Variants in SESN3 observed in about 807,000 individuals in gnomAD.
SESN3 encodes sestrin-3.
In SESN3, 21 loss-of-function variants were observed where a neutral mutation model predicts 55.3. The observed-to-expected ratio is 0.38, with a 90% CI of 0.27 to 0.55. SESN3 has a LOEUF of 0.55. Ranked by LOEUF, SESN3 falls within the 20% of genes least tolerant of loss-of-function variation. SESN3 has a pLI of 0.76. For missense variants in SESN3, 408 were observed against 604.3 expected (o/e 0.68, Z 3.41); for synonymous variants, 181 against 203.1 (o/e 0.89, Z 0.93).
intron 1 of SESN3, among the ~76,000 whole-genome samples, chr11:95,228,361 C>T (rs1174583066): frequency 3.3e-5 from 5 of 152,158 alleles, no homozygotes; most frequent in Non-Finnish European, 7.4e-5. Flanking sequence ...GTAATTCACA[C>T]TGGATGAGCA....
At chr11:95,220,849 G>A (rs1860844873) in intron 1 of SESN3, among the ~76,000 whole-genome samples, 1 of 152,164 alleles carries the variant, frequency 6.6e-6, no homozygotes, top group South Asian at 2.1e-4. Flanking sequence ...AATGCCCTGT[G>A]AGCCCTAGTT....
intron 1 of SESN3, among the ~76,000 whole-genome samples, chr11:95,207,785 A>G (rs1355568419): frequency 6.6e-6 from 1 of 151,396 alleles, no homozygotes; most frequent in African/African-American, 2.4e-5. Context: ...GTAATTTTAA[A>G]TATGTCTAAA....
intron 1 of SESN3, among the ~76,000 whole-genome samples, chr11:95,198,371 C>T (rs151055594): frequency 3.4e-5 from 5 of 147,320 alleles, no homozygotes; most frequent in Non-Finnish European, 6.0e-5. Context: ...GAACCCAAAA[C>T]GAAAACAGCT....
In SESN3 at chr11:95,216,527, C is replaced by T. The variant is rs529492757; in HGVS notation, c.78+14256G>A. Among the ~76,000 whole-genome samples the T allele has an allele frequency of 2.2e-4, 33 of 152,266 alleles. 1 individual carries two copies. The highest frequency in any genetic ancestry group is 1.4e-3 in the South Asian group (7 of 4,828). Reference sequence around the variant, plus strand: ...AAATGCTTCAGCACATTGATGGCAACATTCTAGGTAATTTCTTATTCAGTG... The same window carrying T: ...AAATGCTTCAGCACATTGATGGCAATATTCTAGGTAATTTCTTATTCAGTG... On this transcript the variant is annotated intron_variant, in intron 1 of 9. Coordinates refer to ENST00000536441, the MANE Select transcript of SESN3 (RefSeq NM_144665.4).
At chr11:95,226,480 T>A (rs186851259) in intron 1 of SESN3, among the ~76,000 whole-genome samples, 1 of 152,280 alleles carries the variant, frequency 6.6e-6, no homozygotes, top group East Asian at 1.9e-4. Context: ...AATCTTCTAT[T>A]GAACCTGAAC....
At position 95,213,443 on chromosome 11, in the gene SESN3, C is replaced by G. The variant is rs117255482; in HGVS notation, c.78+17340G>C. ...ACCGATGACAATGTGGTCTTATTCT[C>G]TAGCTTCTAATATACAGCACTGTCA... On this transcript the variant is annotated intron_variant, in intron 1 of 9. Coordinates refer to ENST00000536441, the MANE Select transcript of SESN3 (RefSeq NM_144665.4). 6.2e-3 allele frequency among the ~76,000 whole-genome samples: 939 copies of G among 152,318 alleles called. 3 individuals are homozygous for G. The highest frequency in any genetic ancestry group is 0.013 in the Admixed American group (193 of 15,296).
At chr11:95,185,627 CAT>C (rs1860148773) in intron 4 of SESN3, 135 bp from the exon 5 acceptor site, 5 of 638,184 alleles carry the variant, frequency 7.8e-6, no homozygotes, top group Admixed American at 2.8e-5. Flanking sequence ...AAATGTTTCA[CAT>C]GTTAAAGATA....
At position 95,191,556 on chromosome 11, in the gene SESN3, C is replaced by T; in HGVS notation, c.190G>A (p.Glu64Lys). Residue 64 changes from glutamate (E) to lysine (K), a missense_variant, in exon 3 of 10, where the codon GAA (glutamate) becomes AAA (lysine). By Grantham distance (56) the Glu-to-Lys change is moderately conservative. Transcript: ENST00000536441. The part of the protein sequence containing the change: ...TVDERTNFLV[E>K]EYSTSGRLDN... ...AGACGACCGGATGTAGAGTATTCTTCCACAAGAAAGTTAGTACGTTCATCC... is the reference window on the plus strand; with the variant it reads ...AGACGACCGGATGTAGAGTATTCTTTCACAAGAAAGTTAGTACGTTCATCC... The T allele has an allele frequency of 6.2e-7, 1 of 1,612,824 alleles. No homozygotes were observed. Among genetic ancestry groups the T allele is most frequent in the South Asian group, 1.1e-5 (1 of 91,058 alleles).
rs566265818 is a variant in SESN3 at position 95,200,070 on chromosome 11, G to A, written c.79-6548C>T. On this transcript the variant is annotated intron_variant, in intron 1 of 9. Transcript: ENST00000536441. ...AGGTACGAATGTAAGAAAGCCAATT[G>A]AAATGGTCTATACAAATAGTAAATT... Among the ~76,000 whole-genome samples the A allele has an allele frequency of 3.3e-5, 5 of 152,116 alleles. No individual in the cohort carries two copies. In the East Asian group the frequency reaches 9.6e-4, roughly 29 times the overall value.
In SESN3 at chr11:95,169,345, C is replaced by T. The variant is rs1315364564; in HGVS notation, c.*3910G>A. On this transcript the variant is annotated 3_prime_UTR_variant, in exon 10 of 10. Coordinates refer to ENST00000536441, the MANE Select transcript of SESN3 (RefSeq NM_144665.4). ...TACATAAATTAGGTAACTTAAAACTCAATCTGAGCAGAGGAGCCACGACTT... is the reference window on the plus strand; with the variant it reads ...TACATAAATTAGGTAACTTAAAACTTAATCTGAGCAGAGGAGCCACGACTT... The T allele has an allele frequency of 6.6e-6, 1 of 152,160 alleles. No homozygotes were observed. The highest frequency in any genetic ancestry group is 1.5e-5 in the Non-Finnish European group (1 of 68,028). The allele number at this position is 152,160 out of a possible 1,614,324, so 9.4% of individuals were successfully genotyped here.
Position 95,177,526 on chromosome 11 carries a change from T to C in SESN3, c.1247+193A>G, listed in dbSNP as rs143214446. Among the ~76,000 whole-genome samples, 393 of 152,322 alleles carry C rather than the reference T, an allele frequency of 2.6e-3. 6 individuals carry two copies. In the South Asian group the frequency reaches 0.031, roughly 12 times the overall value. ...GTAAATTTTTACCACTATATTTACATGTGCATCAATGTTAAGATTCATAAC... is the reference window on the plus strand; with the variant it reads ...GTAAATTTTTACCACTATATTTACACGTGCATCAATGTTAAGATTCATAAC... On this transcript the variant is annotated intron_variant, in intron 8 of 9. Coordinates refer to ENST00000536441, the MANE Select transcript of SESN3 (RefSeq NM_144665.4).
chr11:95,215,861 G>C (rs2134260710), intron 1 of SESN3, among the ~76,000 whole-genome samples: 1 of 152,254 alleles, frequency 6.6e-6, no homozygotes, highest in East Asian at 1.9e-4. Flanking sequence ...CACTTTGGGA[G>C]GCCGAGGCGG....
rs568031280 is a variant in SESN3 at position 95,208,084 on chromosome 11, C to CT, written c.79-14563dup. ...GATTATGGTATTCAATGATTTTCTTCTTTCCTTAGTTTTTTAAAAAAAATG... is the reference window on the plus strand; with the variant it reads ...GATTATGGTATTCAATGATTTTCTTCTTTTCCTTAGTTTTTTAAAAAAAATG... On this transcript the variant is annotated intron_variant, in intron 1 of 9. Transcript: ENST00000536441. Among the ~76,000 whole-genome samples the CT allele has an allele frequency of 2.7e-4, 41 of 151,194 alleles. 5 individuals are homozygous for CT. The South Asian group carries it at 8.1e-3, about 30-fold the overall frequency.
rs141292131 is a variant in SESN3, at chr11:95,204,244, G to A, written c.79-10722C>T. 1.5e-3 allele frequency among the ~76,000 whole-genome samples: 233 copies of A among 151,988 alleles called. 3 individuals carry two copies. The highest frequency in any genetic ancestry group is 5.3e-3 in the African/African-American group (219 of 41,462). On this transcript the variant is annotated intron_variant, in intron 1 of 9. Transcript: ENST00000536441. The stretch of plus-strand genomic sequence containing the variant: ...ATTACACTATTTTTTCTGCTTTTGC[G>A]TTACTTGAAATTTTTATAATTTTTT...
chr11:95,224,146 T>A (rs955400822), intron 1 of SESN3, among the ~76,000 whole-genome samples: 3 of 152,178 alleles, frequency 2.0e-5, no homozygotes, highest in African/African-American at 4.8e-5. Flanking sequence ...AAATCGAACC[T>A]GACATAGCTA....
chr11:95,207,840 T>C (rs1860578418), intron 1 of SESN3, among the ~76,000 whole-genome samples: 1 of 151,188 alleles, frequency 6.6e-6, no homozygotes, highest in Admixed American at 6.6e-5. Context: ...TGTTTTGTTT[T>C]GTTTTGTTTT....
At chr11:95,204,184 C>T (rs1193535559) in intron 1 of SESN3, among the ~76,000 whole-genome samples, 1 of 151,984 alleles carries the variant, frequency 6.6e-6, no homozygotes, top group African/African-American at 2.4e-5. Context: ...AAAACCTTCC[C>T]AATATTAAAT....
chr11:95,167,952 C>T lies in SESN3; in HGVS notation c.*5303G>A, dbSNP rs1054658079. The T allele has an allele frequency of 2.0e-5, 3 of 152,158 alleles. No individual in the cohort carries two copies. The highest frequency in any genetic ancestry group is 7.2e-5 in the African/African-American group (3 of 41,430). The allele number at this position is 152,158 out of a possible 1,614,324, so 9.4% of individuals were successfully genotyped here. A position where few individuals can be genotyped will look rare whatever the true frequency, so the allele number is the denominator to read the frequency against. ...AAGTCAATGCATTTTCTTTTCATCCCATGGAACATTTTTTTTCCTCCCATA... is the reference window on the plus strand; with the variant it reads ...AAGTCAATGCATTTTCTTTTCATCCTATGGAACATTTTTTTTCCTCCCATA... On this transcript the variant is annotated 3_prime_UTR_variant, in exon 10 of 10. Transcript: ENST00000536441.
intron 1 of SESN3, among the ~76,000 whole-genome samples, chr11:95,225,875 C>G (rs2134272211): frequency 6.6e-6 from 1 of 152,228 alleles, no homozygotes; most frequent in African/African-American, 2.4e-5. Context: ...TTCCTTAACT[C>G]TTAGTCTTTT....
Sources: gnomAD v4.1 joint callset for allele counts (sites outside exome capture counted in the v4.1 genomes callset) on GRCh38, gnomAD v4.1.1 for gene constraint, MANE v1.5 for transcripts, NCBI Gene and HGNC (gene_info 2026-07-23, HGNC 2026-07-21) for gene names.